DACT1: variants seen among roughly 807,000 people sequenced by gnomAD.
DACT1 encodes the protein dapper homolog 1.
DACT1 carries 19 observed loss-of-function variants against 35.3 expected under a neutral mutation model. The ratio of observed to expected loss-of-function variants is 0.54; its 90% CI spans 0.38 to 0.79. DACT1 has a LOEUF of 0.79. DACT1 is among the 30% of genes least tolerant of loss of function. DACT1 has a pLI of 0.00. For missense variants in DACT1, 1,143 were observed against 1,057.5 expected, an observed-to-expected ratio of 1.08 and a Z score of -1.12; for synonymous variants, 545 against 466.7, an observed-to-expected ratio of 1.17 and a Z score of -2.16.
intron 2 of DACT1, 108 bp downstream of exon 2, chr14:58,640,976 G>C: frequency 8.1e-7 from 1 of 1,235,376 alleles, no homozygotes; most frequent in Non-Finnish European, 1.1e-6. Flanking sequence ...TGTTTCCAGT[G>C]CAGAGAGGAT....
At position 58,638,419 on chromosome 14, in the gene DACT1, C is replaced by T. The variant is rs772693125; in HGVS notation, c.217C>T (p.Leu73=). 5 of 1,313,052 alleles carry T rather than the reference C, an allele frequency of 3.8e-6. No homozygotes were observed. Among genetic ancestry groups the T allele is most frequent in the South Asian group, 2.4e-5 (1 of 41,000 alleles). 81.3% of individuals were successfully genotyped at this position (1,313,052 alleles called of 1,614,324 possible). A position where few individuals can be genotyped will look rare whatever the true frequency, so the allele number is the denominator to read the frequency against. ...CCAAGAGCTGCTGGTCAGGGGCGCC[C>T]TGCGCGGCGCCGGGGGTGCGGGAGC... ...QRQELLVRGA[L]RGAGGAGAAA... is the part of the protein sequence containing the mutation. The change falls in exon 1 of 4, where the codon CTG becomes TTG. Residue 73 remains leucine (L), a synonymous_variant. Transcript: ENST00000395153.
In DACT1 at chr14:58,647,246, A is replaced by T. The variant is rs188028920; in HGVS notation, c.*112A>T. On this transcript the variant is annotated 3_prime_UTR_variant, in exon 4 of 4. Transcript: ENST00000395153. Reference sequence around the variant, plus strand: ...ATAATACTTTAATGGAATGCTTTTTAAAAAAATATAAAACCAAGGTAAATT... The same window carrying T: ...ATAATACTTTAATGGAATGCTTTTTTAAAAAATATAAAACCAAGGTAAATT... The T allele has an allele frequency of 1.7e-4, 211 of 1,256,394 alleles. No homozygotes were observed. The highest frequency in any genetic ancestry group is 2.1e-4 in the Non-Finnish European group (185 of 897,434). The allele number at this position is 1,256,394 out of a possible 1,614,324, so 77.8% of individuals were successfully genotyped here.
Position 58,638,462 on chromosome 14 carries a change from G to T in DACT1, c.260G>T (p.Gly87Val), listed in dbSNP as rs199649683. 3.8e-4 allele frequency: 521 copies of T among 1,357,976 alleles called. 2 individuals are homozygous for T. In the African/African-American group the frequency reaches 6.9e-3, roughly 18 times the overall value. 84.1% of individuals were successfully genotyped at this position (1,357,976 alleles called of 1,614,324 possible). Residue 87 changes from glycine to valine, a missense_variant, in exon 1 of 4, where the codon GGG (glycine) becomes GTG (valine). Transcript: ENST00000395153. Reference sequence around the variant, plus strand: ...GCGGGAGCCGCTGCGCCCCGCGCTGGGGAGCTACTGGGGGAGGCGGCGCAG... The same window carrying T: ...GCGGGAGCCGCTGCGCCCCGCGCTGTGGAGCTACTGGGGGAGGCGGCGCAG... ...GGAGAAAPRA[G>V]ELLGEAAQRS...
intron 1 of DACT1, 77 bp downstream of exon 1, chr14:58,638,624 G>T: frequency 7.9e-7 from 1 of 1,263,344 alleles, no homozygotes; most frequent in Non-Finnish European, 1.0e-6. Flanking sequence ...TGGGGCGGGC[G>T]CGAGGTTGAC....
rs578164988 is a variant in DACT1 at position 58,643,835 on chromosome 14, G to A, written c.635-1534G>A. Among the ~76,000 whole-genome samples the A allele has an allele frequency of 2.6e-5, 4 of 152,252 alleles. No homozygotes were observed. In the East Asian group the frequency reaches 5.8e-4, roughly 22 times the overall value. ...TACGTTGCTGGGAGAGGAAGGATGG[G>A]GAAGGATGTTAGCTAGAGAGGTTTC... On this transcript the variant is annotated intron_variant, in intron 3 of 3. Coordinates refer to ENST00000395153, the MANE Select transcript of DACT1 (RefSeq NM_001079520.2).
chr14:58,646,449 G>T lies in DACT1; in HGVS notation c.1715G>T (p.Ser572Ile). ...GTCAGGGAGAAAACGCGGGCCGGGA[G>T]CAAGAAGTGTCGCTTCCCAGATGAC... ...PTVREKTRAG[S>I]KKCRFPDDLD... Residue 572 changes from serine to isoleucine, a missense_variant, in exon 4 of 4, where the codon AGC (serine) becomes ATC (isoleucine). This residue lies in a region of DACT1 where 1,054 missense variants were observed against 958.8 expected (regional missense o/e 1.10). Transcript: ENST00000395153. 6.3e-7 allele frequency: 1 copy of T among 1,584,792 alleles called. No homozygotes were observed. The highest frequency in any genetic ancestry group is 8.6e-7 in the Non-Finnish European group (1 of 1,168,554).
At chr14:58,640,601 C>T (rs1428797910) in intron 1 of DACT1, 135 bp from the exon 2 acceptor site, 1 of 975,262 alleles carries the variant, frequency 1.0e-6, no homozygotes, top group Non-Finnish European at 1.5e-6. Flanking sequence ...TTCGTTACTT[C>T]AGGTCATCCA....
At chr14:58,636,018 T>TTCC (rs2047570392), upstream of DACT1, among the ~76,000 whole-genome samples, 1 of 152,188 alleles carries the variant, frequency 6.6e-6, no homozygotes. Context: ...AGTTCCTATA[T>TTCC]TATAAAGTAG....
chr14:58,644,374 T>C (rs1266799983), intron 3 of DACT1, among the ~76,000 whole-genome samples: 1 of 152,210 alleles, frequency 6.6e-6, no homozygotes, highest in African/African-American at 2.4e-5. Context: ...AAGAATTCTT[T>C]ATCATATTAA....
intron 1 of DACT1, 137 bp downstream of exon 1, chr14:58,638,684 A>C (rs1447568959): frequency 9.1e-6 from 11 of 1,205,158 alleles, no homozygotes; most frequent in Non-Finnish European, 1.0e-5. Flanking sequence ...ACCGCCCCAT[A>C]CCTCCCTGAT....
In DACT1 at chr14:58,644,531, CCT is replaced by C. The variant is rs201651520; in HGVS notation, c.635-837_635-836del. On this transcript the variant is annotated intron_variant, in intron 3 of 3. Transcript: ENST00000395153. ...CAGGCGTGAGCCATCATACCTGGCC[CCT>C]GTTTTATTTTTTTAGCATCACTATT... Among the ~76,000 whole-genome samples, 1,101 of 152,226 alleles carry C rather than the reference CCT, an allele frequency of 7.2e-3. 15 individuals are homozygous for C. The highest frequency in any genetic ancestry group is 0.025 in the African/African-American group (1,026 of 41,534).
At position 58,648,245 on chromosome 14, in the gene DACT1, A is replaced by G. The variant is rs2047714752; in HGVS notation, c.*1111A>G. The G allele has an allele frequency of 6.0e-6, 1 of 167,122 alleles. No homozygotes were observed. The highest frequency in any genetic ancestry group is 1.5e-5 in the Non-Finnish European group (1 of 68,132). 10.4% of individuals were successfully genotyped at this position (167,122 alleles called of 1,614,324 possible). Reference sequence around the variant, plus strand: ...TCATTGTGTAAATTTAATATAACATATGCAGTAATAAACCATTTGTTTTAC... The same window carrying G: ...TCATTGTGTAAATTTAATATAACATGTGCAGTAATAAACCATTTGTTTTAC... On this transcript the variant is annotated 3_prime_UTR_variant, in exon 4 of 4. Transcript: ENST00000395153.
chr14:58,642,215 A>T (rs1411796962), intron 3 of DACT1, among the ~76,000 whole-genome samples: 1 of 152,182 alleles, frequency 6.6e-6, no homozygotes, highest in East Asian at 1.9e-4. Flanking sequence ...GGCCCGGTGC[A>T]GTGGCTCATG....
Position 58,645,949 on chromosome 14 carries a change from C to T in DACT1, c.1215C>T (p.Gly405=). The T allele has an allele frequency of 1.2e-6, 2 of 1,613,920 alleles. No homozygotes were observed. The highest frequency in any genetic ancestry group is 1.7e-6 in the Non-Finnish European group (2 of 1,180,012). Residue 405 remains glycine, a synonymous_variant, in exon 4 of 4, where the codon GGC becomes GGT. Transcript: ENST00000395153. ...CCCTGCCAGAGGGCTGCCCCTCAGG[C>T]GCTGCCTCCGACCTTCAGAGTAAGC... is the stretch of plus-strand genomic sequence containing the variant. ...RVPLPEGCPS[G]AASDLQSKHL...
chr14:58,646,384 C>A lies in DACT1; in HGVS notation c.1650C>A (p.Arg550=), dbSNP rs763437520. 8.7e-6 allele frequency: 14 copies of A among 1,603,738 alleles called. No individual in the cohort carries two copies. The East Asian group carries it at 2.0e-4, about 23-fold the overall frequency. ...TGAAGAACTCCAGCCTGAAGCACCG[C>A]GGCCCAGCCCTCCAGGGGCTGGAGA... The part of the protein sequence containing the change: ...GVVKNSSLKH[R]GPALQGLENG... Residue 550 remains arginine (R), a synonymous_variant, in exon 4 of 4, where the codon CGC becomes CGA. Coordinates refer to ENST00000395153, the MANE Select transcript of DACT1 (RefSeq NM_001079520.2).
At position 58,648,217 on chromosome 14, in the gene DACT1, A is replaced by G. The variant is rs2047714210; in HGVS notation, c.*1083A>G. 6.0e-6 allele frequency: 1 copy of G among 167,210 alleles called. No individual in the cohort carries two copies. Among genetic ancestry groups the G allele is most frequent in the Middle Eastern group, 3.4e-3 (1 of 296 alleles). 10.4% of individuals were successfully genotyped at this position (167,210 alleles called of 1,614,324 possible). On this transcript the variant is annotated 3_prime_UTR_variant, in exon 4 of 4. Transcript: ENST00000395153. ...TAATATAAACAGTATGTGTTTTTATATATCATTGTGTAAATTTAATATAAC... is the reference window on the plus strand; with the variant it reads ...TAATATAAACAGTATGTGTTTTTATGTATCATTGTGTAAATTTAATATAAC...
intron 1 of DACT1, chr14:58,639,299 C>G: frequency 1.0e-6 from 1 of 978,682 alleles, no homozygotes; most frequent in Non-Finnish European, 1.2e-6. Context: ...GTCAGTGTCT[C>G]AGTCTTTCTA....
In DACT1 at chr14:58,646,645, T is replaced by G; in HGVS notation, c.1911T>G (p.Thr637=). ...AVVAKPKHKR[T]DYRRWKSSAE... is the part of the protein sequence containing the mutation. ...TGGCCAAACCTAAGCACAAGCGAAC[T>G]GACTACCGGCGGTGGAAGTCCTCGG... The change falls in exon 4 of 4, where the codon ACT becomes ACG. Residue 637 remains threonine, a synonymous_variant. Coordinates refer to ENST00000395153, the MANE Select transcript of DACT1 (RefSeq NM_001079520.2). The G allele has an allele frequency of 6.2e-7, 1 of 1,612,430 alleles. No individual in the cohort carries two copies. The highest frequency in any genetic ancestry group is 8.5e-7 in the Non-Finnish European group (1 of 1,179,612).
Position 58,646,134 on chromosome 14 carries a change from A to G in DACT1, c.1400A>G (p.Gln467Arg), listed in dbSNP as rs2047677497. 2 of 1,613,710 alleles carry G rather than the reference A, an allele frequency of 1.2e-6. No homozygotes were observed. The highest frequency in any genetic ancestry group is 1.3e-5 in the African/African-American group (1 of 75,024). The change falls in exon 4 of 4, where the codon CAG becomes CGG. Residue 467 changes from glutamine to arginine, a missense_variant. By Grantham distance (43) the Gln-to-Arg change is conservative. Around this residue, in one of 3 missense-constraint regions of DACT1, gnomAD observed 1,054 missense variants for 958.8 expected, o/e 1.10. Transcript: ENST00000395153. ...PAPPQENKVV[Q>R]PLKKMSQKNS... Reference sequence around the variant, plus strand: ...CCGCCGCAGGAGAACAAAGTTGTACAGCCCCTGAAAAAGATGTCACAGAAA... The same window carrying G: ...CCGCCGCAGGAGAACAAAGTTGTACGGCCCCTGAAAAAGATGTCACAGAAA...
Sources: gnomAD v4.1 joint callset for allele counts (sites outside exome capture counted in the v4.1 genomes callset) on GRCh38, gnomAD v4.1.1 for gene constraint, gnomAD v4.1.1 regional missense constraint, MANE v1.5 for transcripts, NCBI Gene and HGNC (gene_info 2026-07-23, HGNC 2026-07-21) for gene names.